Variants in FSAF1 observed in about 807,000 individuals in gnomAD.
The protein encoded by FSAF1 is uncharacterized protein C1orf131.
the FSAF1 span, among the ~76,000 whole-genome samples, chr1:231,229,475 G>A: frequency 6.6e-6 from 1 of 152,164 alleles, no homozygotes; most frequent in Non-Finnish European, 1.5e-5. Context: ...TTAAAAAATA[G>A]AATGATCATA....
At chr1:231,239,170 G>A in the FSAF1 span, 7 of 1,573,736 alleles carry the variant, frequency 4.4e-6, no homozygotes, top group Non-Finnish European at 6.0e-6. Flanking sequence ...CTTCTGTTCT[G>A]TTTCACCTTC....
chr1:231,239,087 G>C, the FSAF1 span: 3 of 1,614,094 alleles, frequency 1.9e-6, no homozygotes, highest in Non-Finnish European at 1.7e-6. Flanking sequence ...CCAGGTAGGG[G>C]AGATGGCTCT....
At chr1:231,224,333 C>T in the FSAF1 span, 1 of 1,613,808 alleles carries the variant, frequency 6.2e-7, no homozygotes, top group African/African-American at 1.3e-5. Context: ...GGCTCAGAAT[C>T]AGTGTTCCAT....
the FSAF1 span, among the ~76,000 whole-genome samples, chr1:231,227,969 A>G: frequency 6.6e-6 from 1 of 152,210 alleles, no homozygotes; most frequent in Non-Finnish European, 1.5e-5. Flanking sequence ...TTCAATGCAG[A>G]GCTCTGTAGT....
At chr1:231,225,102 A>G in the FSAF1 span, 1 of 235,142 alleles carries the variant, frequency 4.3e-6, no homozygotes, top group Admixed American at 5.0e-5. Flanking sequence ...CAAAGTCAAC[A>G]TCCCTTATTC....
chr1:231,225,596 G>T, the FSAF1 span: 1 of 1,307,150 alleles, frequency 7.7e-7, no homozygotes, highest in Non-Finnish European at 1.1e-6. Flanking sequence ...CAAGAGGTTT[G>T]TGACCAAAAG....
chr1:231,233,229 T>C, the FSAF1 span, among the ~76,000 whole-genome samples: 1 of 152,234 alleles, frequency 6.6e-6, no homozygotes, highest in Non-Finnish European at 1.5e-5. Flanking sequence ...AGTGTACTTG[T>C]GTCACTCAAA....
the FSAF1 span, chr1:231,236,747 A>G: frequency 1.3e-5 from 2 of 152,228 alleles, no homozygotes; most frequent in Admixed American, 6.5e-5. Context: ...GCTGAATTAT[A>G]TTGCAAAGCA....
the FSAF1 span, chr1:231,226,984 G>C: frequency 1.2e-6 from 2 of 1,613,982 alleles, no homozygotes; most frequent in Admixed American, 1.7e-5. Context: ...TTAGCGCCCA[G>C]CATAATGGCA....
chr1:231,229,206 C>A, the FSAF1 span: 2 of 1,573,852 alleles, frequency 1.3e-6, no homozygotes, highest in East Asian at 2.3e-5. Context: ...CTAGGATTAG[C>A]CTGCTGAGAG....
chr1:231,227,791 G>A, the FSAF1 span, among the ~76,000 whole-genome samples: 4 of 151,492 alleles, frequency 2.6e-5, no homozygotes, highest in Admixed American at 2.0e-4. Flanking sequence ...GGGTTTCACC[G>A]TGTTAGCCAG....
the FSAF1 span, among the ~76,000 whole-genome samples, chr1:231,233,579 G>C: frequency 2.1e-3 from 324 of 152,096 alleles, no homozygotes; most frequent in Non-Finnish European, 3.6e-3. Context: ...TTGAGACGGA[G>C]TCTTGCTCTG....
At chr1:231,239,126 C>G in the FSAF1 span, 2 of 1,609,388 alleles carry the variant, frequency 1.2e-6, no homozygotes, top group Non-Finnish European at 1.7e-6. Context: ...GCCATCACAT[C>G]TCTCTTCTTG....
the FSAF1 span, among the ~76,000 whole-genome samples, chr1:231,234,685 A>C: frequency 6.6e-6 from 1 of 152,160 alleles, no homozygotes; most frequent in Admixed American, 6.5e-5. The surrounding 1 kb of genome is among the most constrained non-coding windows in gnomAD (Gnocchi z 4.0). Context: ...TGTACTTAAG[A>C]CTAAAGTCCC....
chr1:231,227,137 G>A, the FSAF1 span: 1 of 1,475,368 alleles, frequency 6.8e-7, no homozygotes, highest in East Asian at 2.3e-5. Context: ...CATACTGCCA[G>A]AAGTAATGCA....
the FSAF1 span, chr1:231,225,387 A>C: frequency 1.5e-6 from 2 of 1,311,158 alleles, no homozygotes; most frequent in Non-Finnish European, 2.2e-6. Flanking sequence ...TAGCAACACC[A>C]CATACATTCA....
At chr1:231,224,444 A>G in the FSAF1 span, 3 of 1,583,728 alleles carry the variant, frequency 1.9e-6, no homozygotes, top group South Asian at 1.2e-5. Flanking sequence ...AAGGTACTAT[A>G]AATAGTCAAG....
chr1:231,238,721 G>A, the FSAF1 span: 1 of 771,506 alleles, frequency 1.3e-6, no homozygotes, highest in Non-Finnish European at 2.0e-6. Flanking sequence ...CTGAGTCTTG[G>A]GTCCTGTGAG....
At chr1:231,232,337 T>C in the FSAF1 span, among the ~76,000 whole-genome samples, 1 of 152,166 alleles carries the variant, frequency 6.6e-6, no homozygotes, top group Non-Finnish European at 1.5e-5. Context: ...CCTAGGTGGC[T>C]TTCCCTGGCC....
Sources: allele counts gnomAD v4.1 joint callset (sites outside exome capture counted in the v4.1 genomes callset), GRCh38; gene constraint gnomAD v4.1.1; non-coding constraint Gnocchi (gnomAD v3.1); transcripts MANE v1.5; gene names NCBI Gene and HGNC (gene_info 2026-07-23, HGNC 2026-07-21).